IGSF10: variants seen among roughly 807,000 people sequenced by gnomAD.
IGSF10 encodes the protein immunoglobulin superfamily member 10.
Under a neutral mutation model 128.2 loss-of-function variants are expected in IGSF10, and 126 were observed. The ratio of observed to expected loss-of-function variants is 0.98; its 90% CI spans 0.85 to 1.14. The LOEUF (loss-of-function observed/expected upper bound fraction) is 1.14, where lower values mean the gene tolerates loss of function less well. Among genes scored for constraint, IGSF10 ranks in the 50% most tolerant of loss-of-function variants. IGSF10 has a pLI of 0.00. For missense variants in IGSF10, 3,295 were observed against 3,149.8 expected, an observed-to-expected ratio of 1.05 and a Z score of -1.10; for synonymous variants, 1,185 against 1,146.2, an observed-to-expected ratio of 1.03 and a Z score of -0.68.
rs371280701 is a variant in IGSF10, at chr3:151,445,501, T to C, written c.4480A>G (p.Ile1494Val). 1.2e-6 allele frequency: 2 copies of C among 1,614,096 alleles called. No homozygotes were observed. The highest frequency in any genetic ancestry group is 1.1e-5 in the South Asian group (1 of 91,082). The change falls in exon 6 of 8, where the codon ATT becomes GTT. Residue 1494 changes from isoleucine (I) to valine (V), a missense_variant. Ile to Val is a conservative substitution (Grantham distance 29). Transcript: ENST00000282466. ...ACTGTATTTGTCATAAGCCCGGAAA[T>C]GGGAGTCGCCACGTTGTCAGTAACT... ...RAVTDNVATP[I>V]SGLMTNTVVK... is the part of the protein sequence containing the mutation.
the IGSF10 span, among the ~76,000 whole-genome samples, chr3:151,544,586 C>T: frequency 6.6e-6 from 1 of 152,130 alleles, no homozygotes; most frequent in Non-Finnish European, 1.5e-5. Flanking sequence ...ACCCACCTAC[C>T]CACCCTGTTT....
Position 151,436,584 on chromosome 3 carries a change from A to G in IGSF10, c.*105T>C. 1 of 731,076 alleles carries G rather than the reference A, an allele frequency of 1.4e-6. No individual in the cohort carries two copies. The highest frequency in any genetic ancestry group is 2.3e-6 in the Non-Finnish European group (1 of 442,398). The allele number at this position is 731,076 out of a possible 1,614,324, so 45.3% of individuals were successfully genotyped here. ...TTTGCATGTTCATTGTAAATTTAAT[A>G]CTGTAAATGTATTCAAATTCATTTA... On this transcript the variant is annotated 3_prime_UTR_variant, in exon 8 of 8. Coordinates refer to ENST00000282466, the MANE Select transcript of IGSF10 (RefSeq NM_178822.5).
the IGSF10 span, among the ~76,000 whole-genome samples, chr3:151,489,348 A>C: frequency 6.6e-6 from 1 of 152,222 alleles, no homozygotes; most frequent in Admixed American, 6.5e-5. Context: ...GGATGTGAAG[A>C]AATAGAACGC....
chr3:151,523,575 C>T, the IGSF10 span, among the ~76,000 whole-genome samples: 6 of 152,242 alleles, frequency 3.9e-5, no homozygotes, highest in East Asian at 1.2e-3. Context: ...GGAAAAGAGT[C>T]CTATTCAATA....
chr3:151,444,859 A>G (rs565483642), intron 6 of IGSF10, 60 bp downstream of exon 6: 7 of 1,465,644 alleles, frequency 4.8e-6, no homozygotes, highest in Middle Eastern at 1.9e-4. Flanking sequence ...ATCCCAAAAC[A>G]TAACAATCTT....
At chr3:151,509,023 C>G in the IGSF10 span, among the ~76,000 whole-genome samples, 1 of 152,108 alleles carries the variant, frequency 6.6e-6, no homozygotes, top group Non-Finnish European at 1.5e-5. Flanking sequence ...TCTGATGCAG[C>G]GTCTGAAAAC....
At chr3:151,576,229 T>C in the IGSF10 span, among the ~76,000 whole-genome samples, 1 of 151,990 alleles carries the variant, frequency 6.6e-6, no homozygotes, top group Non-Finnish European at 1.5e-5. Flanking sequence ...ATTAGCACCA[T>C]TTTCATTATA....
At chr3:151,541,951 T>G in the IGSF10 span, among the ~76,000 whole-genome samples, 2 of 152,292 alleles carry the variant, frequency 1.3e-5, no homozygotes, top group African/African-American at 2.4e-5. Flanking sequence ...TCTTAACACA[T>G]TCTTTGGCTT....
At chr3:151,538,658 T>C in the IGSF10 span, among the ~76,000 whole-genome samples, 1 of 152,166 alleles carries the variant, frequency 6.6e-6, no homozygotes, top group Non-Finnish European at 1.5e-5. Context: ...CCGAGCAGAA[T>C]TTCCATAAAG....
At chr3:151,540,820 A>G in the IGSF10 span, among the ~76,000 whole-genome samples, 1 of 152,208 alleles carries the variant, frequency 6.6e-6, no homozygotes, top group African/African-American at 2.4e-5. Flanking sequence ...ACACGAACCA[A>G]TCCCTGCAAT....
downstream of IGSF10, chr3:151,434,125 CTG>C (rs1169489889): frequency 3.9e-5 from 6 of 152,352 alleles, no homozygotes; most frequent in Non-Finnish European, 8.8e-5. Context: ...CCCATGTTCT[CTG>C]TTATTTCATT....
the IGSF10 span, among the ~76,000 whole-genome samples, chr3:151,558,008 ATATATATATAATAT>A: frequency 7.9e-5 from 3 of 37,840 alleles, 1 homozygote; most frequent in Admixed American, 1.2e-3. Flanking sequence ...TATATATAAT[ATATATATATAATAT>A]ATATATTGGT....
the IGSF10 span, among the ~76,000 whole-genome samples, chr3:151,516,888 GC>G: frequency 6.6e-6 from 1 of 152,076 alleles, no homozygotes; most frequent in East Asian, 1.9e-4. Context: ...ATGCAGTAAT[GC>G]AGTACACATC....
chr3:151,459,769 G>A (rs1057438044), intron 2 of IGSF10, among the ~76,000 whole-genome samples: 1 of 152,138 alleles, frequency 6.6e-6, no homozygotes, highest in Non-Finnish European at 1.5e-5. Context: ...ACTCTTTATT[G>A]TGCTTTTCCA....
chr3:151,586,673 GGATGCCTTGCTAA>G, the IGSF10 span, among the ~76,000 whole-genome samples: 1 of 152,090 alleles, frequency 6.6e-6, no homozygotes, highest in Non-Finnish European at 1.5e-5. Flanking sequence ...TAACTGCTCC[GGATGCCTTGCTAA>G]GCTGTTTCAT....
the IGSF10 span, among the ~76,000 whole-genome samples, chr3:151,532,224 G>A: frequency 9.5e-3 from 1,384 of 146,280 alleles, 12 homozygotes; most frequent in South Asian, 0.035. Flanking sequence ...AAGGCCAGAC[G>A]GATTCACAGC....
chr3:151,445,869 G>T lies in IGSF10; in HGVS notation c.4112C>A (p.Pro1371His), dbSNP rs1721155849. The T allele has an allele frequency of 6.2e-7, 1 of 1,614,038 alleles. No homozygotes were observed. The highest frequency in any genetic ancestry group is 1.3e-5 in the African/African-American group (1 of 74,912). The change falls in exon 6 of 8, where the codon CCC becomes CAC. Residue 1371 changes from proline to histidine, a missense_variant. Physicochemically the swap from Pro to His is moderately conservative, Grantham distance 77 (BLOSUM62 -2). Coordinates refer to ENST00000282466, the MANE Select transcript of IGSF10 (RefSeq NM_178822.5). ...TAGAACAGGAGGTGTCATAGCAGTG[G>T]GTGTAGTGAAGCCAGAACTCTGGTC... ...SPDQSSGFTT[P>H]TAMTPPVLTT... is the part of the protein sequence containing the mutation.
At chr3:151,618,170 C>T in the IGSF10 span, among the ~76,000 whole-genome samples, 1 of 152,136 alleles carries the variant, frequency 6.6e-6, no homozygotes, top group South Asian at 2.1e-4. Context: ...TGATCTCTCT[C>T]TCTCACTGTG....
chr3:151,436,830 C>T lies in IGSF10; in HGVS notation c.7731G>A (p.Arg2577=). The T allele has an allele frequency of 6.2e-7, 1 of 1,614,180 alleles. No individual in the cohort carries two copies. Among genetic ancestry groups the T allele is most frequent in the Non-Finnish European group, 8.5e-7 (1 of 1,180,022 alleles). Reference sequence around the variant, plus strand: ...AGTGAAGCTGCTCACTTCCATGTGTCCTCTCTTTACTTGCCGTTGAGAGAA... The same window carrying T: ...AGTGAAGCTGCTCACTTCCATGTGTTCTCTCTTTACTTGCCGTTGAGAGAA... The part of the protein sequence containing the change: ...HSLLSTASKE[R]THGSEQLHLQ... Residue 2577 remains arginine (R), a synonymous_variant, in exon 8 of 8, where the codon AGG becomes AGA. Transcript: ENST00000282466.
Sources: allele counts gnomAD v4.1 joint callset (sites outside exome capture counted in the v4.1 genomes callset), GRCh38; gene constraint gnomAD v4.1.1; transcripts MANE v1.5; gene names NCBI Gene and HGNC (gene_info 2026-07-23, HGNC 2026-07-21).